Variants in KIAA1217 observed in about 807,000 individuals in gnomAD.
The protein encoded by KIAA1217 is KIAA1217, also known as sickle tail protein homolog.
KIAA1217 carries 88 observed loss-of-function variants against 163.9 expected under a neutral mutation model. The ratio of observed to expected loss-of-function variants is 0.54; its 90% CI spans 0.45 to 0.64. The LOEUF is 0.64. Ranked by LOEUF, KIAA1217 falls within the 30% of genes least tolerant of loss-of-function variation. KIAA1217 has a pLI of 0.00. For missense variants in KIAA1217, 2,372 were observed against 2,475.0 expected (o/e 0.96, Z 0.88); for synonymous variants, 903 against 923.1 (o/e 0.98, Z 0.39).
At chr10:24,196,239 C>A (rs970331905) in intron 2 of KIAA1217, among the ~76,000 whole-genome samples, 2 of 152,092 alleles carry the variant, frequency 1.3e-5, no homozygotes, top group Non-Finnish European at 2.9e-5. Flanking sequence ...ATTAATTAGG[C>A]ATCCTGTGTT....
chr10:24,182,341 C>T (rs1312109736), intron 2 of KIAA1217, among the ~76,000 whole-genome samples: 1 of 151,878 alleles, frequency 6.6e-6, no homozygotes, highest in Non-Finnish European at 1.5e-5. Flanking sequence ...GAGGCTAAGG[C>T]AGGAGTATCG....
intron 5 of KIAA1217, among the ~76,000 whole-genome samples, chr10:24,463,484 A>C (rs888997090): frequency 6.6e-6 from 1 of 152,226 alleles, no homozygotes; most frequent in Non-Finnish European, 1.5e-5. Context: ...TTTACAATCA[A>C]ATGAAACAAT....
chr10:24,144,925 C>T (rs2064240030), intron 2 of KIAA1217, among the ~76,000 whole-genome samples: 1 of 152,214 alleles, frequency 6.6e-6, no homozygotes, highest in Non-Finnish European at 1.5e-5. Flanking sequence ...GTCCAGTTTT[C>T]CAATCCTAGA....
At chr10:24,470,071 T>A (rs1371462686) in intron 5 of KIAA1217, among the ~76,000 whole-genome samples, 1 of 152,214 alleles carries the variant, frequency 6.6e-6, no homozygotes, top group African/African-American at 2.4e-5. Context: ...TTTGTTTTGG[T>A]TGGTTATTGC....
chr10:23,978,290 A>G (rs1308538793), intron 1 of KIAA1217, among the ~76,000 whole-genome samples: 1 of 152,174 alleles, frequency 6.6e-6, no homozygotes, highest in Non-Finnish European at 1.5e-5. Context: ...CCCTTCTTGA[A>G]TCTTCAACCT....
At chr10:23,950,860 T>A (rs1344071131) in intron 1 of KIAA1217, among the ~76,000 whole-genome samples, 3 of 152,178 alleles carry the variant, frequency 2.0e-5, no homozygotes, top group Non-Finnish European at 2.9e-5. Context: ...TTTACTGTTG[T>A]ATTTTCAGGG....
chr10:24,161,416 A>C (rs1307494508), intron 2 of KIAA1217, among the ~76,000 whole-genome samples: 1 of 152,184 alleles, frequency 6.6e-6, no homozygotes, highest in East Asian at 1.9e-4. Context: ...CTTGCCTTTT[A>C]GATGATCTGG....
At chr10:24,532,097 G>A in intron 15 of KIAA1217, 104 bp downstream of exon 15, 1 of 1,075,894 alleles carries the variant, frequency 9.3e-7, no homozygotes, top group Non-Finnish European at 1.2e-6. Context: ...CAGAGAAGTA[G>A]TAACTCGACC....
At chr10:23,801,691 C>T (rs975621023) in intron 1 of KIAA1217, among the ~76,000 whole-genome samples, 4 of 152,074 alleles carry the variant, frequency 2.6e-5, no homozygotes, top group African/African-American at 9.7e-5. Context: ...GCACAGACAC[C>T]CCAGGTGTAG....
intron 2 of KIAA1217, among the ~76,000 whole-genome samples, chr10:24,284,780 G>GGTAATTCT (rs1426831879): frequency 1.3e-5 from 2 of 152,154 alleles, no homozygotes; most frequent in Non-Finnish European, 2.9e-5. Flanking sequence ...TAGGTCAAAT[G>GGTAATTCT]GTAATTCTGT....
At chr10:23,774,806 T>A (rs892603283) in intron 1 of KIAA1217, among the ~76,000 whole-genome samples, 9 of 152,202 alleles carry the variant, frequency 5.9e-5, no homozygotes, top group African/African-American at 2.2e-4. Context: ...TCTAAAGTCA[T>A]CCCTGATCTC....
At chr10:24,365,112 C>G (rs1441179756) in intron 2 of KIAA1217, among the ~76,000 whole-genome samples, 1 of 152,146 alleles carries the variant, frequency 6.6e-6, no homozygotes, top group African/African-American at 2.4e-5. Flanking sequence ...TCCTCCCCTA[C>G]TTTCTTGACT....
At chr10:24,494,363 A>G in intron 6 of KIAA1217, 137 bp from the exon 7 acceptor site, 1 of 677,854 alleles carries the variant, frequency 1.5e-6, no homozygotes, top group South Asian at 1.7e-5. Flanking sequence ...GCGGCTCTTC[A>G]TGTTCCTGAG....
intron 3 of KIAA1217, among the ~76,000 whole-genome samples, chr10:24,407,517 G>A (rs1477111750): frequency 6.6e-6 from 1 of 151,884 alleles, no homozygotes. Context: ...TGTTGCCCAG[G>A]CTGGTTTCAA....
chr10:24,124,630 T>G (rs1342222211), intron 2 of KIAA1217, among the ~76,000 whole-genome samples: 1 of 152,180 alleles, frequency 6.6e-6, no homozygotes, highest in Non-Finnish European at 1.5e-5. Context: ...TTGCTCAAAG[T>G]TCTTATCAAG....
At chr10:23,886,507 T>C (rs1299452762) in intron 1 of KIAA1217, among the ~76,000 whole-genome samples, 3 of 151,996 alleles carry the variant, frequency 2.0e-5, no homozygotes, top group Admixed American at 2.0e-4. Context: ...GATTAGGGTA[T>C]CAGACGGAGG....
intron 2 of KIAA1217, among the ~76,000 whole-genome samples, chr10:24,055,100 C>G (rs1272022077): frequency 1.3e-5 from 2 of 151,892 alleles, no homozygotes; most frequent in African/African-American, 4.8e-5. Flanking sequence ...AACCCTGTCT[C>G]TACAAAAAAG....
chr10:23,925,121 A>G (rs1033323866), intron 1 of KIAA1217, among the ~76,000 whole-genome samples: 2 of 152,132 alleles, frequency 1.3e-5, no homozygotes, highest in Non-Finnish European at 2.9e-5. Context: ...AAGATGGAGA[A>G]GGAGGAGAGG....
At chr10:23,884,887 C>T (rs1841104515) in intron 1 of KIAA1217, among the ~76,000 whole-genome samples, 1 of 151,848 alleles carries the variant, frequency 6.6e-6, no homozygotes, top group Admixed American at 6.6e-5. Context: ...CAATAATCAG[C>T]CATCTCTGCA....
Sources: gnomAD v4.1 joint callset for allele counts (sites outside exome capture counted in the v4.1 genomes callset) on GRCh38, gnomAD v4.1.1 for gene constraint, MANE v1.5 for transcripts, NCBI Gene and HGNC (gene_info 2026-07-23, HGNC 2026-07-21) for gene names.